CSMD1: variants seen among roughly 807,000 people sequenced by gnomAD.
The protein encoded by CSMD1 is CUB and sushi domain-containing protein 1.
A neutral mutation model predicts 417.5 loss-of-function variants in CSMD1; 213 were observed. The observed-to-expected ratio is 0.51, with a 90% CI of 0.46 to 0.57. CSMD1 has a LOEUF of 0.57. CSMD1 is among the 20% of genes least tolerant of loss of function. The pLI is 0.00. For synonymous variants in CSMD1, 2,862 were observed against 1,736.8 expected, an observed-to-expected ratio of 1.65 and a Z score of -16.11; for missense variants, 6,923 against 4,529.7, an observed-to-expected ratio of 1.53 and a Z score of -15.17.
intron 4 of CSMD1, among the ~76,000 whole-genome samples, chr8:4,003,201 G>C (rs886634213): frequency 6.6e-6 from 1 of 152,030 alleles, no homozygotes; most frequent in Non-Finnish European, 1.5e-5. Flanking sequence ...AGACCATCCT[G>C]GCTAACATGG....
chr8:4,392,413 T>C (rs1803906656), intron 3 of CSMD1, among the ~76,000 whole-genome samples: 2 of 151,932 alleles, frequency 1.3e-5, no homozygotes, highest in Admixed American at 1.3e-4. Context: ...TTCAAATCCC[T>C]CCCAAAAATA....
intron 52 of CSMD1, among the ~76,000 whole-genome samples, chr8:3,016,721 A>C (rs1585156048): frequency 6.6e-6 from 1 of 152,190 alleles, no homozygotes; most frequent in East Asian, 1.9e-4. Flanking sequence ...TACAACACAA[A>C]TGTTTTATAT....
intron 5 of CSMD1, among the ~76,000 whole-genome samples, chr8:3,970,520 G>C (rs1399669117): frequency 2.0e-5 from 3 of 152,110 alleles, no homozygotes; most frequent in Admixed American, 6.6e-5. Flanking sequence ...AGGACTCCAG[G>C]AGGACGATTA....
chr8:4,281,442 G>C (rs1312934237), intron 3 of CSMD1, among the ~76,000 whole-genome samples: 4 of 152,052 alleles, frequency 2.6e-5, no homozygotes, highest in African/African-American at 9.7e-5. Context: ...TAACACTTCA[G>C]AAGGAAACAA....
intron 2 of CSMD1, among the ~76,000 whole-genome samples, chr8:4,483,473 T>A (rs1312999841): frequency 1.3e-5 from 2 of 152,160 alleles, no homozygotes; most frequent in Non-Finnish European, 2.9e-5. Context: ...ATAACAGACT[T>A]CTAATCGATA....
chr8:4,394,533 A>C (rs1037662954), intron 3 of CSMD1, among the ~76,000 whole-genome samples: 70 of 152,182 alleles, frequency 4.6e-4, no homozygotes, highest in African/African-American at 1.6e-3. Flanking sequence ...CATTCAGCCT[A>C]AACTCATTGC....
chr8:3,746,794 A>G (rs1315997937), intron 6 of CSMD1, among the ~76,000 whole-genome samples: 2 of 152,222 alleles, frequency 1.3e-5, no homozygotes, highest in East Asian at 3.9e-4. Flanking sequence ...ACTTTTTAAT[A>G]TACCGAGAGA....
intron 12 of CSMD1, among the ~76,000 whole-genome samples, chr8:3,416,251 C>G (rs897206041): frequency 1.5e-4 from 22 of 142,336 alleles, no homozygotes; most frequent in African/African-American, 5.7e-4. Context: ...TGCAGTGAAC[C>G]GGGACTGCGC....
chr8:3,606,426 A>T (rs1287094387), intron 8 of CSMD1, among the ~76,000 whole-genome samples: 3 of 152,292 alleles, frequency 2.0e-5, no homozygotes, highest in Admixed American at 2.0e-4. Flanking sequence ...AAGTGTTCGT[A>T]TATCTAAGTA....
intron 3 of CSMD1, among the ~76,000 whole-genome samples, chr8:4,362,570 C>T (rs978409123): frequency 2.0e-5 from 3 of 152,068 alleles, no homozygotes; most frequent in Non-Finnish European, 4.4e-5. Context: ...TAATATAGCC[C>T]CGTGAAGTGT....
chr8:4,499,453 A>T (rs1042869123), intron 2 of CSMD1, among the ~76,000 whole-genome samples: 1 of 152,326 alleles, frequency 6.6e-6, no homozygotes, highest in Non-Finnish European at 1.5e-5. Context: ...GCTCTTCCAC[A>T]AAGAGTGATT....
At chr8:4,119,321 T>G (rs191670952) in intron 3 of CSMD1, among the ~76,000 whole-genome samples, 2 of 152,226 alleles carry the variant, frequency 1.3e-5, no homozygotes, top group East Asian at 3.9e-4. Context: ...AAATTACTAA[T>G]CAAAGTTTGG....
At position 3,502,207 on chromosome 8, in the gene CSMD1, A is replaced by G. The variant is rs553906885; in HGVS notation, c.1345-8481T>C. ...GTGAAACCCCGTCTCTACTAAAAAT[A>G]TAAAAAAATTAGCCGGGCATGGTGG... is the stretch of plus-strand genomic sequence containing the variant. On this transcript the variant is annotated intron_variant, in intron 10 of 69. Coordinates refer to ENST00000635120, the MANE Select transcript of CSMD1 (RefSeq NM_033225.6). 3.3e-5 allele frequency among the ~76,000 whole-genome samples: 5 copies of G among 151,980 alleles called. No individual in the cohort carries two copies. The South Asian group carries it at 8.3e-4, about 25-fold the overall frequency.
In CSMD1 at chr8:2,978,538, T is replaced by C. The variant is rs1435467781; in HGVS notation, c.8566+74A>G. On this transcript the variant is annotated intron_variant, in intron 55 of 69. Coordinates refer to ENST00000635120, the MANE Select transcript of CSMD1 (RefSeq NM_033225.6). Reference sequence around the variant, plus strand: ...ATTAAAATTCAGTGCCTTTTAAATATACTTACGGAATTTTCTGCTGATGGT... The same window carrying C: ...ATTAAAATTCAGTGCCTTTTAAATACACTTACGGAATTTTCTGCTGATGGT... 3.3e-6 allele frequency: 4 copies of C among 1,211,366 alleles called. No individual in the cohort carries two copies. In the African/African-American group the frequency reaches 4.6e-5, roughly 14 times the overall value. 75.0% of individuals were successfully genotyped at this position (1,211,366 alleles called of 1,614,324 possible).
At chr8:3,449,739 A>G (rs1410041331) in intron 12 of CSMD1, among the ~76,000 whole-genome samples, 1 of 152,154 alleles carries the variant, frequency 6.6e-6, no homozygotes, top group Non-Finnish European at 1.5e-5. Context: ...GCCTGTCTCA[A>G]ACTCTTGACC....
Position 2,962,624 on chromosome 8 carries a change from T to A in CSMD1, c.9470A>T (p.Asp3157Val). The change falls in exon 61 of 70, where the codon GAC becomes GTC. Residue 3157 changes from aspartate (D) to valine (V), a missense_variant. Transcript: ENST00000635120. Reference protein sequence around the residue: ...IPQCLPVFCGDPGIPAEGRLS... With the variant: ...IPQCLPVFCGVPGIPAEGRLS... Reference sequence around the variant, plus strand: ...TCGCCCTTCTGCGGGGATGCCAGGGTCTCCGCAGAACACAGCTATGGAAGA... The same window carrying A: ...TCGCCCTTCTGCGGGGATGCCAGGGACTCCGCAGAACACAGCTATGGAAGA... 6.2e-7 allele frequency: 1 copy of A among 1,613,598 alleles called. No individual in the cohort carries two copies.
intron 50 of CSMD1, among the ~76,000 whole-genome samples, chr8:3,031,426 G>T (rs1055600781): frequency 6.6e-6 from 1 of 151,880 alleles, no homozygotes; most frequent in African/African-American, 2.4e-5. Flanking sequence ...TAACAAACCT[G>T]CACGTTGTGC....
rs201721761 is a variant in CSMD1, at chr8:4,569,103, TTTTG to T, written c.302+68235_302+68238del. 1.1e-4 allele frequency among the ~76,000 whole-genome samples: 17 copies of T among 152,150 alleles called. No homozygotes were observed. In the South Asian group the frequency reaches 2.3e-3, roughly 20 times the overall value. On this transcript the variant is annotated intron_variant, in intron 2 of 69. Transcript: ENST00000635120. Reference sequence around the variant, plus strand: ...TGTTCACTGTTCACTGTGATGATAGTTTTGTTTGTTTGTTTGTTTGCTGTGCAGA... The same window carrying T: ...TGTTCACTGTTCACTGTGATGATAGTTTTGTTTGTTTGTTTGCTGTGCAGA...
chr8:3,649,411 T>G (rs920691715), intron 7 of CSMD1, among the ~76,000 whole-genome samples: 11 of 152,210 alleles, frequency 7.2e-5, no homozygotes, highest in African/African-American at 2.7e-4. Flanking sequence ...CACACTGCTA[T>G]AAATAACTGC....
Sources: allele counts gnomAD v4.1 joint callset (sites outside exome capture counted in the v4.1 genomes callset), GRCh38; gene constraint gnomAD v4.1.1; transcripts MANE v1.5; gene names NCBI Gene and HGNC (gene_info 2026-07-23, HGNC 2026-07-21).